Variants in CARMIL1 observed in about 807,000 individuals in gnomAD.
The protein encoded by CARMIL1 is capping protein regulator and myosin 1 linker 1, also known as F-actin-uncapping protein LRRC16A.
Under a neutral mutation model 177.1 loss-of-function variants are expected in CARMIL1, and 90 were observed. The ratio of observed to expected loss-of-function variants is 0.51; its 90% CI spans 0.43 to 0.61. The LOEUF is 0.61. Among genes scored for constraint, CARMIL1 ranks in the 20% least tolerant of loss-of-function variants. The pLI, the probability that CARMIL1 is intolerant of heterozygous loss-of-function variation, is 0.00. For missense variants in CARMIL1, 1,380 were observed against 1,667.0 expected (o/e 0.83, Z 3.00); for synonymous variants, 577 against 606.2 (o/e 0.95, Z 0.71).
intron 17 of CARMIL1, among the ~76,000 whole-genome samples, chr6:25,504,976 A>G (rs1440751409): frequency 6.6e-6 from 1 of 152,234 alleles, no homozygotes; most frequent in Non-Finnish European, 1.5e-5. Flanking sequence ...GTGAGCCATC[A>G]TCTGGGGAGT....
At position 25,619,537 on chromosome 6, in the gene CARMIL1, C is replaced by G; in HGVS notation, c.4070C>G (p.Ser1357Cys). 1 of 1,613,920 alleles carries G rather than the reference C, an allele frequency of 6.2e-7. No homozygotes were observed. Among genetic ancestry groups the G allele is most frequent in the Non-Finnish European group, 8.5e-7 (1 of 1,179,866 alleles). The change falls in exon 37 of 37, where the codon TCT (serine) becomes TGT (cysteine). Residue 1357 changes from serine (S) to cysteine (C), a missense_variant. Physicochemically the swap from Ser to Cys is moderately radical, Grantham distance 112. Transcript: ENST00000329474. ...SSKDGHQGSKSNDSGEEAEKE... is the reference protein window; with the variant it reads ...SSKDGHQGSKCNDSGEEAEKE... ...AAAGATGGCCATCAAGGCAGCAAAT[C>G]TAATGACTCCGGGGAAGAAGCAGAA...
intron 31 of CARMIL1, among the ~76,000 whole-genome samples, chr6:25,586,479 G>C (rs1304325790): frequency 0.013 from 1,824 of 137,380 alleles, 55 homozygotes; most frequent in African/African-American, 0.047. Context: ...GACTGGGCGG[G>C]TGGGCAGAGG....
intron 2 of CARMIL1, among the ~76,000 whole-genome samples, chr6:25,395,655 AAT>A (rs1274314899): frequency 1.3e-5 from 2 of 152,216 alleles, no homozygotes; most frequent in African/African-American, 4.8e-5. Context: ...GACCTTCTTT[AAT>A]GATTGCTCAT....
At chr6:25,382,311 T>A (rs567845128) in intron 2 of CARMIL1, among the ~76,000 whole-genome samples, 94 of 152,264 alleles carry the variant, frequency 6.2e-4, no homozygotes, top group African/African-American at 2.2e-3. Flanking sequence ...TTGGCCAGGC[T>A]GGTCTTAAAC....
rs548002287 is a variant in CARMIL1, at chr6:25,358,934, A to G, written c.139-61180A>G. ...AGAAATATCTTACTATAACAATTTT[A>G]TTATATGATCATTGTGGCCAAGAAT... On this transcript the variant is annotated intron_variant, in intron 2 of 36. Coordinates refer to ENST00000329474, the MANE Select transcript of CARMIL1 (RefSeq NM_017640.6). 2.8e-4 allele frequency among the ~76,000 whole-genome samples: 42 copies of G among 152,322 alleles called. No individual in the cohort carries two copies. The South Asian group carries it at 7.5e-3, about 27-fold the overall frequency.
rs879163433 is a variant in CARMIL1 at position 25,619,718 on chromosome 6, A to G, written c.*135A>G. 1 of 393,994 alleles carries G rather than the reference A, an allele frequency of 2.5e-6. No individual in the cohort carries two copies. Among genetic ancestry groups the G allele is most frequent in the East Asian group, 6.3e-5 (1 of 15,804 alleles). The allele number at this position is 393,994 out of a possible 1,614,324, so 24.4% of individuals were successfully genotyped here. A position where few individuals can be genotyped will look rare whatever the true frequency, so the allele number is the denominator to read the frequency against. The stretch of plus-strand genomic sequence containing the variant: ...TCTTCTTTTTCTTTATTTCGCCCCC[A>G]CCCCCATCCCCTGCCTTTTTTTTTT... On this transcript the variant is annotated 3_prime_UTR_variant, in exon 37 of 37. Transcript: ENST00000329474.
chr6:25,279,872 C>T, intron 1 of CARMIL1, 37 bp downstream of exon 1: 2 of 1,608,912 alleles, frequency 1.2e-6, no homozygotes, highest in Non-Finnish European at 1.7e-6. Context: ...CCACCTTCCT[C>T]TGCGTACTCC....
rs75777618 is a variant in CARMIL1 at position 25,338,327 on chromosome 6, T to C, written c.138+53418T>C. On this transcript the variant is annotated intron_variant, in intron 2 of 36. Coordinates refer to ENST00000329474, the MANE Select transcript of CARMIL1 (RefSeq NM_017640.6). ...CACTGTATTTTATAGTTACAAATAC[T>C]GAGTCATTAATGTTACAGGCGTACA... 9.8e-3 allele frequency among the ~76,000 whole-genome samples: 1,499 copies of C among 152,270 alleles called. 13 individuals are homozygous for C. The highest frequency in any genetic ancestry group is 0.016 in the South Asian group (78 of 4,820).
chr6:25,300,807 T>C (rs958798611), intron 2 of CARMIL1, among the ~76,000 whole-genome samples: 2 of 152,256 alleles, frequency 1.3e-5, no homozygotes, highest in African/African-American at 4.8e-5. Flanking sequence ...GGTTAGTTAC[T>C]TAGGTAACTA....
Position 25,515,754 on chromosome 6 carries a change from C to T in CARMIL1, c.1712C>T (p.Thr571Ile). Reference protein sequence around the residue: ...TIIINALGSNTSLTKVDISGN... With the variant: ...TIIINALGSNISLTKVDISGN... The stretch of plus-strand genomic sequence containing the variant: ...ATCATCAATGCCCTGGGAAGCAACA[C>T]CTCCCTGACCAAAGTGGACATTAGC... The change falls in exon 21 of 37, where the codon ACC becomes ATC. Residue 571 changes from threonine to isoleucine, a missense_variant. Thr to Ile is a moderately conservative substitution (Grantham distance 89). Coordinates refer to ENST00000329474, the MANE Select transcript of CARMIL1 (RefSeq NM_017640.6). The surrounding 1 kb of genome is among the most constrained non-coding windows in gnomAD (Gnocchi z 5.0). 1 of 1,611,700 alleles carries T rather than the reference C, an allele frequency of 6.2e-7. No homozygotes were observed. Among genetic ancestry groups the T allele is most frequent in the Non-Finnish European group, 8.5e-7 (1 of 1,179,048 alleles).
At chr6:25,435,340 A>G in intron 4 of CARMIL1, 143 bp from the exon 5 acceptor site, 2 of 836,132 alleles carry the variant, frequency 2.4e-6, no homozygotes, top group Non-Finnish European at 3.4e-6. Flanking sequence ...GAGATGTGCT[A>G]CCCTCGAACC....
At chr6:25,302,561 A>G (rs943357756) in intron 2 of CARMIL1, among the ~76,000 whole-genome samples, 1 of 152,256 alleles carries the variant, frequency 6.6e-6, no homozygotes, top group Non-Finnish European at 1.5e-5. Flanking sequence ...TGATATACAC[A>G]GAATATTTGC....
chr6:25,439,187 G>T (rs191221289), intron 5 of CARMIL1, among the ~76,000 whole-genome samples: 1 of 151,586 alleles, frequency 6.6e-6, no homozygotes, highest in Non-Finnish European at 1.5e-5. Context: ...TATTTTCTGG[G>T]GGGTGGGATC....
chr6:25,585,070 G>C (rs576720854), intron 31 of CARMIL1, among the ~76,000 whole-genome samples: 1 of 152,248 alleles, frequency 6.6e-6, no homozygotes, highest in South Asian at 2.1e-4. Flanking sequence ...GAGCACTGAT[G>C]GACAGAGAAG....
intron 35 of CARMIL1, 41 bp from the exon 36 acceptor site, chr6:25,610,009 G>A: frequency 6.4e-7 from 1 of 1,572,500 alleles, no homozygotes; most frequent in South Asian, 1.2e-5. Context: ...TTGGAATCCA[G>A]TTTGTGGAAC....
intron 27 of CARMIL1, among the ~76,000 whole-genome samples, chr6:25,552,784 A>G (rs1810237071): frequency 6.6e-6 from 1 of 152,096 alleles, no homozygotes. Flanking sequence ...AAACTATTGA[A>G]CCTATAGTTT....
At chr6:25,551,758 A>G (rs1810126490) in intron 27 of CARMIL1, among the ~76,000 whole-genome samples, 1 of 152,202 alleles carries the variant, frequency 6.6e-6, no homozygotes, top group Admixed American at 6.6e-5. Flanking sequence ...ACTAAAAACT[A>G]AGTTCAGAAG....
chr6:25,300,043 C>T (rs1430465797), intron 2 of CARMIL1, among the ~76,000 whole-genome samples: 2 of 151,726 alleles, frequency 1.3e-5, no homozygotes, highest in Non-Finnish European at 2.9e-5. Context: ...AATTGGCCCC[C>T]CCACTGAGAA....
At chr6:25,553,465 G>A (rs533591011) in intron 27 of CARMIL1, among the ~76,000 whole-genome samples, 91 of 152,288 alleles carry the variant, frequency 6.0e-4, no homozygotes, top group African/African-American at 2.1e-3. Context: ...GCAAATTTTA[G>A]TAACCTCTCT....
Sources: gnomAD v4.1 joint callset for allele counts (sites outside exome capture counted in the v4.1 genomes callset) on GRCh38, gnomAD v4.1.1 for gene constraint, Gnocchi (gnomAD v3.1) non-coding constraint, MANE v1.5 for transcripts, NCBI Gene and HGNC (gene_info 2026-07-23, HGNC 2026-07-21) for gene names.